Variants in RNF144B observed in about 807,000 individuals in gnomAD.
The protein encoded by RNF144B is ring finger protein 144B, also known as E3 ubiquitin-protein ligase RNF144B.
A neutral mutation model predicts 40.2 loss-of-function variants in RNF144B; 25 were observed. The observed-to-expected ratio is 0.62, with a 90% CI of 0.45 to 0.87. RNF144B has a LOEUF of 0.87. Among genes scored for constraint, RNF144B ranks in the 40% least tolerant of loss-of-function variants. The pLI, the probability that RNF144B is intolerant of heterozygous loss-of-function variation, is 0.00. For missense variants in RNF144B, 365 were observed against 373.7 expected, an observed-to-expected ratio of 0.98 and a Z score of 0.19; for synonymous variants, 145 against 136.3, an observed-to-expected ratio of 1.06 and a Z score of -0.44.
rs1167817428 is a variant in RNF144B at position 18,464,694 on chromosome 6, G to T, written c.772-233G>T. Among the ~76,000 whole-genome samples the T allele has an allele frequency of 6.6e-6, 1 of 152,104 alleles. No homozygotes were observed. Among genetic ancestry groups the T allele is most frequent in the Non-Finnish European group, 1.5e-5 (1 of 68,024 alleles). ...CTAGAGAAAGAAAGCAAGCTCTCTG[G>T]CATCTGTTCTTGTAAGAGCACCAAT... On this transcript the variant is annotated intron_variant, in intron 7 of 7. Coordinates refer to ENST00000259939, the MANE Select transcript of RNF144B (RefSeq NM_182757.4). This position sits in a 1 kb window ranked among gnomAD's most constrained non-coding sequence, Gnocchi z 6.1.
At chr6:18,423,685 G>A (rs1582419253) in intron 2 of RNF144B, among the ~76,000 whole-genome samples, 1 of 152,078 alleles carries the variant, frequency 6.6e-6, no homozygotes, top group East Asian at 1.9e-4. Context: ...TGAGTCGTCT[G>A]GTTCACCAGG....
intron 4 of RNF144B, among the ~76,000 whole-genome samples, chr6:18,449,268 A>G (rs961697134): frequency 6.6e-6 from 1 of 152,248 alleles, no homozygotes. Flanking sequence ...TTGCTTATTC[A>G]TAGTTCTAAC....
In RNF144B at chr6:18,467,634, G is replaced by A. The variant is rs921675909; in HGVS notation, c.*2567G>A. ...AGACTGTTTATAAAGGAGAGAGCTGGCGACTTATTTTTATTTTTATTTTTT... is the reference window on the plus strand; with the variant it reads ...AGACTGTTTATAAAGGAGAGAGCTGACGACTTATTTTTATTTTTATTTTTT... On this transcript the variant is annotated 3_prime_UTR_variant, in exon 8 of 8. Transcript: ENST00000259939. 2 of 148,076 alleles carry A rather than the reference G, an allele frequency of 1.4e-5. No homozygotes were observed. The highest frequency in any genetic ancestry group is 6.9e-5 in the Admixed American group (1 of 14,518). The allele number at this position is 148,076 out of a possible 1,614,324, so 9.2% of individuals were successfully genotyped here. A position where few individuals can be genotyped will look rare whatever the true frequency, so the allele number is the denominator to read the frequency against.
chr6:18,425,891 T>C lies in RNF144B; in HGVS notation c.166-1690T>C, dbSNP rs539415685. Among the ~76,000 whole-genome samples, 1 of 152,332 alleles carries C rather than the reference T, an allele frequency of 6.6e-6. No individual in the cohort carries two copies. The highest frequency in any genetic ancestry group is 2.4e-5 in the African/African-American group (1 of 41,578). ...CTGTGATGAATATTATAGAAAAAAT[T>C]AACTCCTTGGAGAAAAAAACTGTTA... On this transcript the variant is annotated intron_variant, in intron 2 of 7. Transcript: ENST00000259939. This position sits in a 1 kb window ranked among gnomAD's most constrained non-coding sequence, Gnocchi z 4.2.
intron 3 of RNF144B, among the ~76,000 whole-genome samples, chr6:18,438,408 A>G (rs746766374): frequency 5.9e-5 from 9 of 152,334 alleles, no homozygotes; most frequent in Admixed American, 2.0e-4. Context: ...AAGGTACCAG[A>G]TGAAAATGCA....
intron 3 of RNF144B, among the ~76,000 whole-genome samples, chr6:18,437,795 T>C (rs1210583792): frequency 6.6e-6 from 1 of 152,216 alleles, no homozygotes; most frequent in Non-Finnish European, 1.5e-5. Flanking sequence ...ATTTCTGTCA[T>C]TTTTCACATT....
Position 18,399,678 on chromosome 6 carries a change from C to A in RNF144B, c.144C>A (p.Cys48Ter). ...ACAAGATGACCACACTCCAGGAATG[C>A]CAGTGCATCTTTTGCACAGCTGTGA... ...SLDKMTTLQE[C>*]QCIFCTACLK... The change falls in exon 2 of 8, where the codon TGC (cysteine) becomes TGA (stop). Residue 48 changes from cysteine to a stop codon, truncating the protein, a stop_gained. Coordinates refer to ENST00000259939, the MANE Select transcript of RNF144B (RefSeq NM_182757.4). LOFTEE classifies it high-confidence loss of function. 2 of 1,613,610 alleles carry A rather than the reference C, an allele frequency of 1.2e-6. No homozygotes were observed. Among genetic ancestry groups the A allele is most frequent in the Non-Finnish European group, 1.7e-6 (2 of 1,179,636 alleles).
At position 18,457,154 on chromosome 6, in the gene RNF144B, G is replaced by C; in HGVS notation, c.332-1G>C. On this transcript the variant is annotated splice_acceptor_variant, in intron 4 of 7. Coordinates refer to ENST00000259939, the MANE Select transcript of RNF144B (RefSeq NM_182757.4). LOFTEE classifies it high-confidence loss of function. The surrounding 1 kb of genome is among the most constrained non-coding windows in gnomAD (Gnocchi z 5.1). ...TCACATTTTCTTTCTTTACACTTTA[G>C]AAGTTCATCTGGACCCCTACCGAAC... is the stretch of plus-strand genomic sequence containing the variant. The C allele has an allele frequency of 1.2e-6, 2 of 1,611,202 alleles. No individual in the cohort carries two copies. Among genetic ancestry groups the C allele is most frequent in the Non-Finnish European group, 1.7e-6 (2 of 1,177,976 alleles).
chr6:18,428,652 A>G (rs1052102912), intron 3 of RNF144B, among the ~76,000 whole-genome samples: 1 of 152,180 alleles, frequency 6.6e-6, no homozygotes, highest in Non-Finnish European at 1.5e-5. Flanking sequence ...AGATGAAATC[A>G]GTTGTTCATT....
rs1314738089 is a variant in RNF144B, at chr6:18,405,353, T to C, written c.165+5654T>C. 6.6e-6 allele frequency among the ~76,000 whole-genome samples: 1 copy of C among 151,908 alleles called. No individual in the cohort carries two copies. Among genetic ancestry groups the C allele is most frequent in the Non-Finnish European group, 1.5e-5 (1 of 67,992 alleles). ...CAGGCCTGACTAATTTTTTTTGTAT[T>C]TTTAGTTGAGTTGGGGTTTCACTAT... On this transcript the variant is annotated intron_variant, in intron 2 of 7. Coordinates refer to ENST00000259939, the MANE Select transcript of RNF144B (RefSeq NM_182757.4). This position sits in a 1 kb window ranked among gnomAD's most constrained non-coding sequence, Gnocchi z 4.5.
chr6:18,438,869 A>ATTTATATATGAG (rs1758886256), intron 3 of RNF144B, among the ~76,000 whole-genome samples: 1 of 152,136 alleles, frequency 6.6e-6, no homozygotes, highest in Admixed American at 6.6e-5. Flanking sequence ...TATATATGAG[A>ATTTATATATGAG]AAATCTTTAT....
In RNF144B at chr6:18,456,312, A is replaced by AG. The variant is rs1161288473; in HGVS notation, c.332-842dup. On this transcript the variant is annotated intron_variant, in intron 4 of 7. Coordinates refer to ENST00000259939, the MANE Select transcript of RNF144B (RefSeq NM_182757.4). The surrounding 1 kb of genome is among the most constrained non-coding windows in gnomAD (Gnocchi z 4.7). Reference sequence around the variant, plus strand: ...GACAGGTAATCCAACTTCTTGGCTAAGCCACACCAGATACTGTTTAATCCC... The same window carrying AG: ...GACAGGTAATCCAACTTCTTGGCTAAGGCCACACCAGATACTGTTTAATCCC... 2.0e-5 allele frequency among the ~76,000 whole-genome samples: 3 copies of AG among 152,250 alleles called. No homozygotes were observed. The highest frequency in any genetic ancestry group is 4.4e-5 in the Non-Finnish European group (3 of 68,042).
At chr6:18,396,834 C>T in intron 1 of RNF144B, 8 of 984,658 alleles carry the variant, frequency 8.1e-6, no homozygotes, top group Non-Finnish European at 9.6e-6. Context: ...TAAAGTCATT[C>T]ATTTTTACCC....
Position 18,434,558 on chromosome 6 carries a change from G to A in RNF144B, c.271-5126G>A, listed in dbSNP as rs1299996498. On this transcript the variant is annotated intron_variant, in intron 3 of 7. Transcript: ENST00000259939. This position sits in a 1 kb window ranked among gnomAD's most constrained non-coding sequence, Gnocchi z 4.1. ...GGTGTGGTCTGGCTTCCCTGGATAT[G>A]CTCTGCTAGGGATGAAATGGAAAAG... is the stretch of plus-strand genomic sequence containing the variant. Among the ~76,000 whole-genome samples, 5 of 152,148 alleles carry A rather than the reference G, an allele frequency of 3.3e-5. No individual in the cohort carries two copies. The highest frequency in any genetic ancestry group is 5.9e-5 in the Non-Finnish European group (4 of 68,024).
rs1367634251 is a variant in RNF144B, at chr6:18,416,801, A to G, written c.166-10780A>G. 6.6e-6 allele frequency among the ~76,000 whole-genome samples: 1 copy of G among 152,188 alleles called. No homozygotes were observed. The highest frequency in any genetic ancestry group is 1.5e-5 in the Non-Finnish European group (1 of 68,018). On this transcript the variant is annotated intron_variant, in intron 2 of 7. Transcript: ENST00000259939. This position sits in a 1 kb window ranked among gnomAD's most constrained non-coding sequence, Gnocchi z 5.5. ...AAAGAGTGATGAGGGGCATAAAAGT[A>G]TCTTCCCTGATTAGAATGGAGGGCA... is the stretch of plus-strand genomic sequence containing the variant.
rs1045763791 is a variant in RNF144B, at chr6:18,395,603, C to T, written c.-36-3896C>T. Among the ~76,000 whole-genome samples the T allele has an allele frequency of 6.6e-6, 1 of 150,650 alleles. No individual in the cohort carries two copies. The highest frequency in any genetic ancestry group is 2.4e-5 in the African/African-American group (1 of 40,880). ...CTTTTTTTTTTTTAAATGAAGTGCT[C>T]ACTGCATTTCATTCATTTTTTTAAC... is the stretch of plus-strand genomic sequence containing the variant. On this transcript the variant is annotated intron_variant, in intron 1 of 7. Transcript: ENST00000259939. This position sits in a 1 kb window ranked among gnomAD's most constrained non-coding sequence, Gnocchi z 4.5.
chr6:18,440,264 G>A (rs1217782030), intron 4 of RNF144B, among the ~76,000 whole-genome samples: 2 of 147,038 alleles, frequency 1.4e-5, no homozygotes, highest in African/African-American at 5.0e-5. Context: ...TTGGGCTTGG[G>A]GTAACATATA....
rs1582390727 is a variant in RNF144B at position 18,387,572 on chromosome 6, T to G, written c.-95T>G. 1.5e-6 allele frequency: 2 copies of G among 1,326,904 alleles called. No individual in the cohort carries two copies. Among genetic ancestry groups the G allele is most frequent in the South Asian group, 2.4e-5 (2 of 84,110 alleles). The allele number at this position is 1,326,904 out of a possible 1,614,324, so 82.2% of individuals were successfully genotyped here. On this transcript the variant is annotated 5_prime_UTR_variant, in exon 1 of 8. Coordinates refer to ENST00000259939, the MANE Select transcript of RNF144B (RefSeq NM_182757.4). ...GTGTGCCAGCAGCCCGGACTGGCGGTGAGCGCGAGGGAGGCTACTGAGAAG... is the reference window on the plus strand; with the variant it reads ...GTGTGCCAGCAGCCCGGACTGGCGGGGAGCGCGAGGGAGGCTACTGAGAAG...
chr6:18,411,831 T>TA (rs1019427649), intron 2 of RNF144B, among the ~76,000 whole-genome samples: 1 of 152,126 alleles, frequency 6.6e-6, no homozygotes, highest in Non-Finnish European at 1.5e-5. Context: ...CCTGTGTACT[T>TA]ACGCACATCA....
Sources: allele counts gnomAD v4.1 joint callset (sites outside exome capture counted in the v4.1 genomes callset), GRCh38; gene constraint gnomAD v4.1.1; non-coding constraint Gnocchi (gnomAD v3.1); transcripts MANE v1.5; gene names NCBI Gene and HGNC (gene_info 2026-07-23, HGNC 2026-07-21).